The following RMDN2 variants were observed in gnomAD, a reference collection of about 807,000 sequenced individuals.
The protein encoded by RMDN2 is regulator of microtubule dynamics protein 2.
Under a neutral mutation model 52.8 loss-of-function variants are expected in RMDN2, and 61 were observed. That is an observed-to-expected ratio of 1.16 (90% CI 0.94 to 1.43). The LOEUF is 1.43. RMDN2 is among the 40% of genes most tolerant of loss of function. The probability of loss-of-function intolerance (pLI) is 0.00; values close to 1 mark genes in which losing one functional copy is unlikely to be tolerated. For synonymous variants in RMDN2, 180 were observed against 153.1 expected (o/e 1.18, Z -1.30); for missense variants, 592 against 475.3 (o/e 1.25, Z -2.28).
intron 5 of RMDN2, among the ~76,000 whole-genome samples, chr2:37,983,795 A>T (rs1443418134): frequency 1.3e-5 from 2 of 152,210 alleles, no homozygotes; most frequent in African/African-American, 4.8e-5. Context: ...AACTGAATTA[A>T]GGCTGAATTT....
intron 10 of RMDN2, among the ~76,000 whole-genome samples, chr2:38,024,911 T>C (rs1239062108): frequency 6.6e-6 from 1 of 152,156 alleles, no homozygotes; most frequent in Non-Finnish European, 1.5e-5. Context: ...TCAACACCAA[T>C]ACCACATCAT....
chr2:38,038,833 A>G (rs1193354353), intron 10 of RMDN2, among the ~76,000 whole-genome samples: 2 of 152,024 alleles, frequency 1.3e-5, no homozygotes, highest in African/African-American at 4.8e-5. Flanking sequence ...GGGGAGGATC[A>G]CTGGGTCATT....
Position 37,929,695 on chromosome 2 carries a change from A to C in RMDN2, c.418A>C (p.Ser140Arg). ...CCCCACAATTCAAAGTTCAGCAACA[A>C]GTAATAGTTCAGAGGAAGCAGAAAG... is the stretch of plus-strand genomic sequence containing the variant. Reference protein sequence around the residue: ...RLPTIQSSATSNSSEEAESEG... With the variant: ...RLPTIQSSATRNSSEEAESEG... Residue 140 changes from serine (S) to arginine (R), a missense_variant, in exon 2 of 11, where the codon AGT (serine) becomes CGT (arginine). Coordinates refer to ENST00000354545, the MANE Select transcript of RMDN2 (RefSeq NM_001170791.3). 3 of 1,527,708 alleles carry C rather than the reference A, an allele frequency of 2.0e-6. No individual in the cohort carries two copies. In the South Asian group the frequency reaches 3.8e-5, roughly 20 times the overall value. 94.6% of individuals were successfully genotyped at this position (1,527,708 alleles called of 1,614,324 possible). A position where few individuals can be genotyped will look rare whatever the true frequency, so the allele number is the denominator to read the frequency against.
At chr2:38,018,898 GCA>G (rs1679123136), downstream of RMDN2, among the ~76,000 whole-genome samples, 1 of 151,972 alleles carries the variant, frequency 6.6e-6, no homozygotes, top group Non-Finnish European at 1.5e-5. Context: ...ACGCACACAC[GCA>G]CACACACATT....
chr2:37,998,143 A>G (rs1278835274), intron 8 of RMDN2: 1 of 152,198 alleles, frequency 6.6e-6, no homozygotes, highest in Non-Finnish European at 1.5e-5. Flanking sequence ...TGGGGGTAAT[A>G]ATCCCTTTAC....
intron 7 of RMDN2, among the ~76,000 whole-genome samples, chr2:37,994,461 A>G (rs1675238005): frequency 6.6e-6 from 1 of 152,226 alleles, no homozygotes; most frequent in Admixed American, 6.5e-5. Context: ...TCCAACACCA[A>G]TTATAGCCAT....
chr2:37,939,169 G>A (rs1311330648), intron 2 of RMDN2, among the ~76,000 whole-genome samples: 1 of 152,142 alleles, frequency 6.6e-6, no homozygotes, highest in Non-Finnish European at 1.5e-5. Context: ...AGTCATTCAG[G>A]AGCAGGTTGT....
chr2:38,027,531 A>G (rs546894289), intron 10 of RMDN2, among the ~76,000 whole-genome samples: 2 of 152,370 alleles, frequency 1.3e-5, no homozygotes, highest in East Asian at 3.9e-4. Context: ...TTTTTAAAAT[A>G]AGTTTTTATA....
At chr2:37,960,463 C>G (rs1260109208) in intron 2 of RMDN2, among the ~76,000 whole-genome samples, 1 of 151,700 alleles carries the variant, frequency 6.6e-6, no homozygotes, top group African/African-American at 2.4e-5. Flanking sequence ...GGATTGCAAC[C>G]CCTGCTTTTT....
chr2:38,005,656 G>A (rs894377135), intron 10 of RMDN2, among the ~76,000 whole-genome samples: 9 of 152,030 alleles, frequency 5.9e-5, no homozygotes, highest in South Asian at 2.1e-4. Context: ...GTAGGTTGCC[G>A]GTTCACTCTG....
At position 38,004,021 on chromosome 2, in the gene RMDN2, C is replaced by A. The variant is rs1676715418; in HGVS notation, c.1075C>A (p.Pro359Thr). 1 of 1,613,238 alleles carries A rather than the reference C, an allele frequency of 6.2e-7. No individual in the cohort carries two copies. The highest frequency in any genetic ancestry group is 8.5e-7 in the Non-Finnish European group (1 of 1,179,370). ...AGAACTATGCCCTGGTTATTCTAAT[C>A]CCAATTACATGTACTTAGCAAAGGT... ...AEELCPGYSN[P>T]NYMYLAKCYT... Residue 359 changes from proline to threonine, a missense_variant, in exon 9 of 11, where the codon CCC becomes ACC. Physicochemically the swap from Pro to Thr is conservative, Grantham distance 38. Coordinates refer to ENST00000354545, the MANE Select transcript of RMDN2 (RefSeq NM_001170791.3).
intron 2 of RMDN2, among the ~76,000 whole-genome samples, chr2:37,958,354 C>CAGTTTTTGAATATGTG: frequency 2.5e-4 from 38 of 151,250 alleles, no homozygotes; most frequent in African/African-American, 9.1e-4. Context: ...TTGAAGAAGT[C>CAGTTTTTGAATATGTG]CTTCACATCC....
chr2:37,962,395 G>A (rs889090877), intron 2 of RMDN2, among the ~76,000 whole-genome samples: 20 of 152,328 alleles, frequency 1.3e-4, no homozygotes, highest in African/African-American at 4.8e-4. Flanking sequence ...CCTGCCCAGA[G>A]AGGAGGAATC....
chr2:38,047,848 C>G (rs1353262329), intron 10 of RMDN2, among the ~76,000 whole-genome samples: 2 of 152,132 alleles, frequency 1.3e-5, no homozygotes, highest in Non-Finnish European at 2.9e-5. Context: ...TTTTATCATC[C>G]CAATCTCATT....
intron 6 of RMDN2, 128 bp downstream of exon 6, chr2:37,989,744 A>G: frequency 1.7e-6 from 1 of 572,736 alleles, no homozygotes; most frequent in Non-Finnish European, 3.0e-6. Flanking sequence ...TATTCAACAG[A>G]TTAAGCTCTG....
At chr2:37,976,783 C>T (rs941408911) in intron 4 of RMDN2, among the ~76,000 whole-genome samples, 1 of 151,842 alleles carries the variant, frequency 6.6e-6, no homozygotes, top group African/African-American at 2.4e-5. Context: ...TGAGAAAATC[C>T]AAGTATATCT....
rs761229736 is a variant in RMDN2, at chr2:38,004,235, A to G, written c.1179+19A>G. ...CAAAGAGGTAAGTCCAGAAAGTGAC[A>G]GTGAGTGCTGTTGTCTTGTTAGTAC... On this transcript the variant is annotated intron_variant, in intron 10 of 10. Coordinates refer to ENST00000354545, the MANE Select transcript of RMDN2 (RefSeq NM_001170791.3). The G allele has an allele frequency of 1.3e-5, 21 of 1,558,000 alleles. No homozygotes were observed. The highest frequency in any genetic ancestry group is 1.7e-4 in the Middle Eastern group (1 of 5,976).
intron 10 of RMDN2, among the ~76,000 whole-genome samples, chr2:38,016,198 G>T (rs564386616): frequency 1.6e-4 from 24 of 152,314 alleles, no homozygotes; most frequent in African/African-American, 5.1e-4. Context: ...ATTCATATGT[G>T]GGAAAATAAA....
rs370172436 is a variant in RMDN2, at chr2:38,004,023, C to T, written c.1077C>T (p.Pro359=). ...AEELCPGYSN[P]NYMYLAKCYT... is the part of the protein sequence containing the mutation. ...AACTATGCCCTGGTTATTCTAATCC[C>T]AATTACATGTACTTAGCAAAGGTAA... The change falls in exon 9 of 11, where the codon CCC becomes CCT. Residue 359 remains proline, a synonymous_variant. Transcript: ENST00000354545. 5 of 1,613,232 alleles carry T rather than the reference C, an allele frequency of 3.1e-6. No individual in the cohort carries two copies. The highest frequency in any genetic ancestry group is 4.2e-6 in the Non-Finnish European group (5 of 1,179,354).
Sources: allele counts gnomAD v4.1 joint callset (sites outside exome capture counted in the v4.1 genomes callset), GRCh38; gene constraint gnomAD v4.1.1; transcripts MANE v1.5; gene names NCBI Gene and HGNC (gene_info 2026-07-23, HGNC 2026-07-21).